The following TOMM20 variants were observed in gnomAD, a reference collection of about 807,000 sequenced individuals.
TOMM20 encodes the protein translocase of outer mitochondrial membrane 20.
A neutral mutation model predicts 22.1 loss-of-function variants in TOMM20; 10 were observed. That is an observed-to-expected ratio of 0.45 (90% confidence interval 0.28 to 0.77). TOMM20 has a LOEUF of 0.77. Ranked by LOEUF, TOMM20 falls within the 30% of genes least tolerant of loss-of-function variation. The pLI is 0.13. For missense variants in TOMM20, 121 were observed against 172.2 expected (o/e 0.70, Z 1.66); for synonymous variants, 55 against 61.4 (o/e 0.90, Z 0.49).
At chr1:235,118,744 C>T (rs552670121) in intron 3 of TOMM20, among the ~76,000 whole-genome samples, 2 of 152,202 alleles carry the variant, frequency 1.3e-5, no homozygotes, top group East Asian at 1.9e-4. Flanking sequence ...ATGCTGGTCT[C>T]GAACTCCTGG....
At chr1:235,125,077 TAGAATGATAAAA>T (rs1660988616) in intron 1 of TOMM20, among the ~76,000 whole-genome samples, 1 of 152,246 alleles carries the variant, frequency 6.6e-6, no homozygotes, top group South Asian at 2.1e-4. Flanking sequence ...ACTCATAATT[TAGAATGATAAAA>T]ACTACACCTC....
chr1:235,127,963 G>A (rs1215953838), intron 1 of TOMM20: 1 of 513,986 alleles, frequency 1.9e-6, no homozygotes, highest in Non-Finnish European at 3.9e-6. Context: ...ATCATCTGAG[G>A]TCAGGAGTTC....
intron 3 of TOMM20, among the ~76,000 whole-genome samples, chr1:235,114,260 A>G (rs1660791377): frequency 6.6e-6 from 1 of 152,148 alleles, no homozygotes; most frequent in Non-Finnish European, 1.5e-5. Flanking sequence ...AAGACTGGGG[A>G]CTGGGGTAGA....
rs1011650628 is a variant in TOMM20, at chr1:235,109,872, G to T, written c.*2192C>A. The stretch of plus-strand genomic sequence containing the variant: ...GTGTATTAGTTCACTGAGATCTGGG[G>T]TTTTTTTGTTCTCACCTGCTGAGCA... On this transcript the variant is annotated 3_prime_UTR_variant, in exon 5 of 5. Coordinates refer to ENST00000366607, the MANE Select transcript of TOMM20 (RefSeq NM_014765.3). 10 of 152,246 alleles carry T rather than the reference G, an allele frequency of 6.6e-5. No individual in the cohort carries two copies. The highest frequency in any genetic ancestry group is 1.0e-4 in the Non-Finnish European group (7 of 68,004). 9.4% of individuals were successfully genotyped at this position (152,246 alleles called of 1,614,324 possible). A position where few individuals can be genotyped will look rare whatever the true frequency, so the allele number is the denominator to read the frequency against.
intron 1 of TOMM20, among the ~76,000 whole-genome samples, chr1:235,125,141 G>A (rs1660989349): frequency 6.6e-6 from 1 of 152,182 alleles, no homozygotes; most frequent in Non-Finnish European, 1.5e-5. Context: ...GTGACAAAAA[G>A]TCTAAATAAA....
Position 235,128,781 on chromosome 1 carries a change from C to T in TOMM20, c.-66G>A. On this transcript the variant is annotated 5_prime_UTR_variant, in exon 1 of 5. Coordinates refer to ENST00000366607, the MANE Select transcript of TOMM20 (RefSeq NM_014765.3). ...CGCGAAGGAGCGGTGGGCCACGAAC[C>T]CTCAGAGCGGTCGGCGCAGCTCACA... 6.2e-7 allele frequency: 1 copy of T among 1,605,752 alleles called. No individual in the cohort carries two copies. Among genetic ancestry groups the T allele is most frequent in the Non-Finnish European group, 8.5e-7 (1 of 1,176,638 alleles).
intron 1 of TOMM20, among the ~76,000 whole-genome samples, chr1:235,124,617 T>C (rs1233848223): frequency 6.6e-6 from 1 of 152,182 alleles, no homozygotes; most frequent in Non-Finnish European, 1.5e-5. Flanking sequence ...AACCAGAATT[T>C]AGGGAAAATG....
At chr1:235,120,431 A>AT (rs1157856042) in intron 2 of TOMM20, among the ~76,000 whole-genome samples, 1 of 151,514 alleles carries the variant, frequency 6.6e-6, no homozygotes, top group Non-Finnish European at 1.5e-5. Flanking sequence ...TGCCCAGCTA[A>AT]TTTTTGTATT....
chr1:235,120,953 G>C (rs146309256), intron 2 of TOMM20, among the ~76,000 whole-genome samples: 1,715 of 151,362 alleles, frequency 0.011, 30 homozygotes, highest in African/African-American at 0.036. Flanking sequence ...TGTAATCCCA[G>C]CACATTGGGA....
intron 4 of TOMM20, among the ~76,000 whole-genome samples, chr1:235,113,026 C>CA (rs1190974726): frequency 6.6e-6 from 1 of 152,178 alleles, no homozygotes; most frequent in African/African-American, 2.4e-5. Context: ...ATTAACCAGT[C>CA]AGTTACTAAC....
chr1:235,110,444 T>A lies in TOMM20; in HGVS notation c.*1620A>T, dbSNP rs1558126971. On this transcript the variant is annotated 3_prime_UTR_variant, in exon 5 of 5. Coordinates refer to ENST00000366607, the MANE Select transcript of TOMM20 (RefSeq NM_014765.3). ...TGCTTTGGATTTGGGATCCCACTAG[T>A]AAAACTAACTGGCATGTCTGTACTG... 2 of 152,188 alleles carry A rather than the reference T, an allele frequency of 1.3e-5. No individual in the cohort carries two copies. Among genetic ancestry groups the A allele is most frequent in the Non-Finnish European group, 2.9e-5 (2 of 68,096 alleles). 9.4% of individuals were successfully genotyped at this position (152,188 alleles called of 1,614,324 possible). A position where few individuals can be genotyped will look rare whatever the true frequency, so the allele number is the denominator to read the frequency against.
chr1:235,128,812 C>A lies in TOMM20; in HGVS notation c.-97G>T. 1 of 1,558,946 alleles carries A rather than the reference C, an allele frequency of 6.4e-7. No homozygotes were observed. On this transcript the variant is annotated 5_prime_UTR_variant, in exon 1 of 5. Coordinates refer to ENST00000366607, the MANE Select transcript of TOMM20 (RefSeq NM_014765.3). ...AGCGGTCGGCGCAGCTCACACCCGA[C>A]GGCCGCGGGCCAGGAACACAGAAAG...
intron 2 of TOMM20, among the ~76,000 whole-genome samples, chr1:235,121,928 A>G (rs1429947273): frequency 6.6e-6 from 1 of 152,242 alleles, no homozygotes; most frequent in Admixed American, 6.5e-5. Context: ...ATAATCTTGA[A>G]TAATTTTTGA....
intron 1 of TOMM20, among the ~76,000 whole-genome samples, chr1:235,125,853 G>A (rs766062730): frequency 1.3e-5 from 2 of 150,434 alleles, no homozygotes; most frequent in African/African-American, 4.9e-5. Flanking sequence ...AGGTTCAAGC[G>A]ATCTTCCTAC....
At chr1:235,123,225 T>C (rs1028341279) in intron 1 of TOMM20, among the ~76,000 whole-genome samples, 2 of 152,194 alleles carry the variant, frequency 1.3e-5, no homozygotes, top group Non-Finnish European at 2.9e-5. Flanking sequence ...CAGTGGCTCA[T>C]GCTTTAATCC....
At chr1:235,115,558 C>T (rs1334085208) in intron 3 of TOMM20, among the ~76,000 whole-genome samples, 3 of 152,024 alleles carry the variant, frequency 2.0e-5, no homozygotes, top group African/African-American at 7.2e-5. Flanking sequence ...ACCCGGGAGG[C>T]GAAGCTTGCA....
intron 3 of TOMM20, among the ~76,000 whole-genome samples, chr1:235,116,175 G>C (rs898993850): frequency 2.6e-5 from 4 of 152,146 alleles, no homozygotes; most frequent in African/African-American, 4.8e-5. Flanking sequence ...GGGAGGCCGA[G>C]GTGGGTGGAT....
chr1:235,125,866 C>T (rs569372367), intron 1 of TOMM20, among the ~76,000 whole-genome samples: 4 of 151,636 alleles, frequency 2.6e-5, no homozygotes, highest in Non-Finnish European at 4.4e-5. Flanking sequence ...CTTCCTACCT[C>T]AGTCTCCCAA....
In TOMM20 at chr1:235,127,458, T is replaced by G. The variant is rs377511612; in HGVS notation, c.121+1137A>C. Among the ~76,000 whole-genome samples the G allele has an allele frequency of 2.1e-3, 314 of 152,316 alleles. 2 individuals carry two copies. Among genetic ancestry groups the G allele is most frequent in the African/African-American group, 7.3e-3 (302 of 41,566 alleles). On this transcript the variant is annotated intron_variant, in intron 1 of 4. Transcript: ENST00000366607. ...CTTCCCTCCTAAAACATAAGAAAGC[T>G]GGAACTAGATGTCTGATTCTTAGTG... is the stretch of plus-strand genomic sequence containing the variant.
Sources: gnomAD v4.1 joint callset for allele counts (sites outside exome capture counted in the v4.1 genomes callset) on GRCh38, gnomAD v4.1.1 for gene constraint, MANE v1.5 for transcripts, NCBI Gene and HGNC (gene_info 2026-07-23, HGNC 2026-07-21) for gene names.